Variants in C10orf67 observed in about 807,000 individuals in gnomAD.
C10orf67 encodes the protein chromosome 10 open reading frame 67, also known as uncharacterized protein C10orf67, mitochondrial.
In C10orf67, 60 loss-of-function variants were observed where a neutral mutation model predicts 35.6. The observed-to-expected ratio is 1.68, with a 90% CI of 1.37 to 2.09. C10orf67 has a LOEUF of 2.09. Among genes scored for constraint, C10orf67 ranks in the 30% most tolerant of loss-of-function variants. C10orf67 has a pLI of 0.00. For missense variants in C10orf67, 474 were observed against 330.2 expected (o/e 1.44, Z -3.38); for synonymous variants, 167 against 115.8 (o/e 1.44, Z -2.84).
chr10:23,303,400 T>C lies in C10orf67; in HGVS notation c.606A>G (p.Thr202=). 1 of 650,988 alleles carries C rather than the reference T, an allele frequency of 1.5e-6. No homozygotes were observed. 40.3% of individuals were successfully genotyped at this position (650,988 alleles called of 1,614,324 possible). A position where few individuals can be genotyped will look rare whatever the true frequency, so the allele number is the denominator to read the frequency against. Reference sequence around the variant, plus strand: ...CTTTCAGTTTTCTTAACAAAATATTTGTTTTGACAGTACTCGCATCTTGCA... The same window carrying C: ...CTTTCAGTTTTCTTAACAAAATATTCGTTTTGACAGTACTCGCATCTTGCA... ...VSLQDASTVK[T]NILLRKLKEK... Residue 202 remains threonine (T), a synonymous_variant, in exon 5 of 16, where the codon ACA becomes ACG. Transcript: ENST00000636213.
intron 13 of C10orf67, among the ~76,000 whole-genome samples, chr10:23,227,964 C>G (rs188909599): frequency 6.6e-6 from 1 of 152,298 alleles, no homozygotes; most frequent in East Asian, 1.9e-4. Flanking sequence ...GAAGAACATT[C>G]CATGCTCATG....
chr10:23,236,222 C>T (rs939389208), intron 13 of C10orf67, among the ~76,000 whole-genome samples: 1 of 138,584 alleles, frequency 7.2e-6, no homozygotes, highest in Non-Finnish European at 1.5e-5. Flanking sequence ...GCACTCCAAC[C>T]TGGGCGACAG....
At chr10:23,241,016 T>C (rs1216602636) in intron 12 of C10orf67, among the ~76,000 whole-genome samples, 1 of 152,334 alleles carries the variant, frequency 6.6e-6, no homozygotes, top group East Asian at 1.9e-4. Context: ...CTACCTTTCA[T>C]GAAAGAAGAT....
chr10:23,341,008 T>A lies in C10orf67; in HGVS notation c.206+3561A>T, dbSNP rs550994052. 7.2e-5 allele frequency among the ~76,000 whole-genome samples: 11 copies of A among 152,320 alleles called. No individual in the cohort carries two copies. The South Asian group carries it at 2.3e-3, about 32-fold the overall frequency. On this transcript the variant is annotated intron_variant, in intron 1 of 15. Transcript: ENST00000636213. The stretch of plus-strand genomic sequence containing the variant: ...ATCAGTCAATGAAGACAACATTAGG[T>A]GTGTTAAACTTTCACTGTGGCATAT...
chr10:23,308,770 C>G (rs546246622), intron 4 of C10orf67, among the ~76,000 whole-genome samples: 1 of 152,168 alleles, frequency 6.6e-6, no homozygotes, highest in African/African-American at 2.4e-5. Flanking sequence ...ATAATAATAC[C>G]TGAATTGTGA....
chr10:23,303,197 C>T (rs1311735540), intron 5 of C10orf67, 107 bp downstream of exon 5: 3 of 407,068 alleles, frequency 7.4e-6, no homozygotes, highest in East Asian at 7.4e-5. Flanking sequence ...GGGGAGATGC[C>T]CAAAATGCAG....
intron 2 of C10orf67, among the ~76,000 whole-genome samples, chr10:23,325,220 C>T (rs1845136303): frequency 6.6e-6 from 1 of 152,072 alleles, no homozygotes; most frequent in South Asian, 2.1e-4. Flanking sequence ...AGCCTGTAGT[C>T]TCAGCTACTT....
At chr10:23,254,210 ATG>A (rs1323565733) in intron 10 of C10orf67, among the ~76,000 whole-genome samples, 3 of 152,186 alleles carry the variant, frequency 2.0e-5, no homozygotes, top group Admixed American at 6.5e-5. Context: ...ATTTAACAAA[ATG>A]TGTGTTTTTT....
intron 8 of C10orf67, among the ~76,000 whole-genome samples, chr10:23,269,398 G>C (rs746980878): frequency 5.3e-5 from 8 of 152,278 alleles, no homozygotes; most frequent in African/African-American, 9.6e-5. Flanking sequence ...CTATAAGATA[G>C]AGCCAAATGG....
At chr10:23,215,769 A>G (rs1841415427) in intron 15 of C10orf67, among the ~76,000 whole-genome samples, 1 of 152,174 alleles carries the variant, frequency 6.6e-6, no homozygotes, top group Admixed American at 6.5e-5. Flanking sequence ...ATCAACACAA[A>G]AGTTAAGAAA....
chr10:23,211,436 T>G, intron 15 of C10orf67, among the ~76,000 whole-genome samples: 1 of 144,664 alleles, frequency 6.9e-6, no homozygotes, highest in East Asian at 2.0e-4. Context: ...GATTAAAGTC[T>G]CAACATATTT....
chr10:23,314,346 G>C (rs1173244943), intron 4 of C10orf67, among the ~76,000 whole-genome samples: 1 of 152,034 alleles, frequency 6.6e-6, no homozygotes, highest in Non-Finnish European at 1.5e-5. Context: ...GTTTGGCCAG[G>C]CACGGTGCCT....
intron 4 of C10orf67, among the ~76,000 whole-genome samples, chr10:23,310,938 A>T (rs2132306235): frequency 6.6e-6 from 1 of 152,164 alleles, no homozygotes; most frequent in Non-Finnish European, 1.5e-5. Context: ...AAGTCCTGGA[A>T]TGTCCTTCAA....
chr10:23,260,795 A>T (rs971085141), intron 10 of C10orf67, among the ~76,000 whole-genome samples: 3 of 152,192 alleles, frequency 2.0e-5, no homozygotes, highest in African/African-American at 7.2e-5. Flanking sequence ...TCAGTCTGAA[A>T]TCTTTTTTAT....
intron 3 of C10orf67, among the ~76,000 whole-genome samples, chr10:23,321,054 A>G (rs1181078472): frequency 6.6e-6 from 1 of 152,242 alleles, no homozygotes; most frequent in Non-Finnish European, 1.5e-5. Context: ...TAATTTGAAC[A>G]CTTCATTTCA....
chr10:23,202,346 A>C (rs748525412), downstream of C10orf67: 5 of 152,226 alleles, frequency 3.3e-5, no homozygotes, highest in Non-Finnish European at 5.9e-5. Context: ...ATTTTTCACC[A>C]GGTCTCGTCT....
intron 12 of C10orf67, among the ~76,000 whole-genome samples, chr10:23,248,315 C>T (rs1326614746): frequency 6.6e-6 from 1 of 152,186 alleles, no homozygotes; most frequent in Non-Finnish European, 1.5e-5. Flanking sequence ...TGATATGCCA[C>T]ACCAGCATAC....
At position 23,314,180 on chromosome 10, in the gene C10orf67, T is replaced by C. The variant is rs1454309515; in HGVS notation, c.546+6561A>G. 2.3e-5 allele frequency among the ~76,000 whole-genome samples: 3 copies of C among 132,772 alleles called. No homozygotes were observed. The East Asian group carries it at 8.8e-4, about 39-fold the overall frequency. The allele number at this position is 132,772 out of a possible 152,430, so 87.1% of individuals were successfully genotyped here. A position where few individuals can be genotyped will look rare whatever the true frequency, so the allele number is the denominator to read the frequency against. On this transcript the variant is annotated intron_variant, in intron 4 of 15. Coordinates refer to ENST00000636213, the MANE Select transcript of C10orf67 (RefSeq NM_001371909.1). ...TCCAGCCTGGGAGACAGAGCAAGAC[T>C]CTGTTTCAAAAACAACAACAACAAC...
chr10:23,301,971 T>C (rs1844093865), intron 5 of C10orf67, among the ~76,000 whole-genome samples: 1 of 152,108 alleles, frequency 6.6e-6, no homozygotes, highest in Non-Finnish European at 1.5e-5. Flanking sequence ...GACATCCTGC[T>C]GGATCCAGAG....
Sources: gnomAD v4.1 joint callset for allele counts (sites outside exome capture counted in the v4.1 genomes callset) on GRCh38, gnomAD v4.1.1 for gene constraint, MANE v1.5 for transcripts, NCBI Gene and HGNC (gene_info 2026-07-23, HGNC 2026-07-21) for gene names.